DCDC1: variants seen among roughly 807,000 people sequenced by gnomAD.
The protein encoded by DCDC1 is doublecortin domain-containing protein 1.
In DCDC1, 200 loss-of-function variants were observed where a neutral mutation model predicts 178.3. The ratio of observed to expected loss-of-function variants is 1.12; its 90% CI spans 1.00 to 1.26. DCDC1 has a LOEUF of 1.26. DCDC1 is among the 50% of genes most tolerant of loss of function. The probability of loss-of-function intolerance (pLI) is 0.00; values close to 1 mark genes in which losing one functional copy is unlikely to be tolerated. For synonymous variants in DCDC1, 690 were observed against 604.8 expected (o/e 1.14, Z -2.07); for missense variants, 1,983 against 1,749.2 (o/e 1.13, Z -2.38).
chr11:31,126,404 T>C (rs1426174597), intron 11 of DCDC1, among the ~76,000 whole-genome samples: 1 of 152,168 alleles, frequency 6.6e-6, no homozygotes, highest in Non-Finnish European at 1.5e-5. Flanking sequence ...CTATGAGAAA[T>C]AAATTATCAT....
chr11:31,115,109 A>T (rs1252358235), intron 11 of DCDC1, among the ~76,000 whole-genome samples: 1 of 152,198 alleles, frequency 6.6e-6, no homozygotes, highest in Non-Finnish European at 1.5e-5. Context: ...AAAAATGTCA[A>T]CGAAGTACTA....
In DCDC1 at chr11:31,290,672, G is replaced by C. The variant is rs1216045657; in HGVS notation, c.935C>G (p.Thr312Arg). The C allele has an allele frequency of 6.8e-6, 11 of 1,612,046 alleles. No individual in the cohort carries two copies. Among genetic ancestry groups the C allele is most frequent in the Non-Finnish European group, 9.3e-6 (11 of 1,179,188 alleles). ...CTTTTTCATTGTTTCTTTTCCCACT[G>C]TAATCTCATGCCCATCCTGCCCCAT... The part of the protein sequence containing the change: ...NGMGQDGHEI[T>R]VGKETMKKVL... Residue 312 changes from threonine (T) to arginine (R), a missense_variant, in exon 7 of 39, where the codon ACA becomes AGA. Thr to Arg is a moderately conservative substitution (Grantham distance 71). Transcript: ENST00000684477.
intron 2 of DCDC1, among the ~76,000 whole-genome samples, chr11:31,331,839 C>CTT (rs373120029): frequency 4.0e-5 from 6 of 151,676 alleles, no homozygotes; most frequent in Non-Finnish European, 7.4e-5. Context: ...CTAAAATTCT[C>CTT]TTTTTTTTGT....
chr11:30,903,681 A>C lies in DCDC1; in HGVS notation c.4311T>G (p.Leu1437=), dbSNP rs759911756. ...CAAGTTGTTCCGTGCATTCTGTAAG[A>C]AGCTAGATAACACAGGCAGTAAGGA... ...KLIVAGTFPM[L]LTECTEQLGL... The change falls in exon 32 of 39, where the codon CTT becomes CTG. Residue 1437 remains leucine (L), a splice_region_variant and synonymous_variant. Transcript: ENST00000684477. The C allele has an allele frequency of 6.3e-7, 1 of 1,596,018 alleles. No homozygotes were observed. Among genetic ancestry groups the C allele is most frequent in the South Asian group, 1.2e-5 (1 of 86,864 alleles).
At chr11:30,981,390 A>C (rs290077) in intron 20 of DCDC1, among the ~76,000 whole-genome samples, 3,500 of 152,258 alleles carry the variant, frequency 0.023, 147 homozygotes, top group African/African-American at 0.081. Flanking sequence ...AAGATTAAAC[A>C]AATTATTATT....
At chr11:30,971,799 C>T (rs572849459) in intron 20 of DCDC1, among the ~76,000 whole-genome samples, 5 of 151,796 alleles carry the variant, frequency 3.3e-5, no homozygotes, top group Admixed American at 6.6e-5. Context: ...TTAGTAGAGA[C>T]GGGGTTTCAC....
At chr11:31,209,259 T>C (rs1591409203) in intron 9 of DCDC1, among the ~76,000 whole-genome samples, 1 of 152,326 alleles carries the variant, frequency 6.6e-6, no homozygotes, top group African/African-American at 2.4e-5. Flanking sequence ...AGAAGTGTCC[T>C]GGACTTAAAT....
At chr11:31,337,142 A>C (rs1950311977) in intron 1 of DCDC1, among the ~76,000 whole-genome samples, 1 of 152,274 alleles carries the variant, frequency 6.6e-6, no homozygotes, top group African/African-American at 2.4e-5. Context: ...TTGCTTTCAA[A>C]AACCTAAAAT....
chr11:30,965,874 A>C (rs1338110804), intron 20 of DCDC1, among the ~76,000 whole-genome samples: 2 of 115,062 alleles, frequency 1.7e-5, no homozygotes, highest in East Asian at 4.6e-4. Flanking sequence ...TTCTTGCGAT[A>C]GTTTACTGAG....
At chr11:30,958,774 A>G (rs1426296322) in intron 20 of DCDC1, among the ~76,000 whole-genome samples, 1 of 152,090 alleles carries the variant, frequency 6.6e-6, no homozygotes, top group Non-Finnish European at 1.5e-5. Context: ...ACTGATTTTC[A>G]CTGTGGTAAC....
At chr11:31,290,009 A>C (rs1947112382) in intron 7 of DCDC1, among the ~76,000 whole-genome samples, 1 of 152,064 alleles carries the variant, frequency 6.6e-6, no homozygotes, top group Admixed American at 6.6e-5. Context: ...TGTGTGTTTC[A>C]AATTCCCATT....
intron 32 of DCDC1, among the ~76,000 whole-genome samples, chr11:30,901,435 C>T (rs1225525826): frequency 6.6e-6 from 1 of 152,066 alleles, no homozygotes. Flanking sequence ...AGATTAGAAT[C>T]CAGGCCATCT....
At chr11:31,057,296 A>G (rs1220686152) in intron 20 of DCDC1, among the ~76,000 whole-genome samples, 5 of 150,550 alleles carry the variant, frequency 3.3e-5, no homozygotes, top group African/African-American at 9.9e-5. Flanking sequence ...AGGGAAGGAA[A>G]GAAAGAAAGA....
chr11:31,227,511 GA>G (rs1275802317), intron 9 of DCDC1, among the ~76,000 whole-genome samples: 23 of 151,598 alleles, frequency 1.5e-4, no homozygotes, highest in South Asian at 4.2e-4. Flanking sequence ...CACTTGGGGG[GA>G]AAAAAATACT....
At chr11:31,045,174 C>G (rs1027902623) in intron 20 of DCDC1, among the ~76,000 whole-genome samples, 6 of 151,968 alleles carry the variant, frequency 3.9e-5, no homozygotes, top group Non-Finnish European at 8.8e-5. Flanking sequence ...AAGGAGCATT[C>G]CAATCTCACC....
At chr11:30,911,701 C>T (rs746910437) in intron 27 of DCDC1, among the ~76,000 whole-genome samples, 2 of 152,218 alleles carry the variant, frequency 1.3e-5, no homozygotes, top group Admixed American at 6.5e-5. Flanking sequence ...TTTGTTCCAG[C>T]GAGGTGCCCA....
intron 9 of DCDC1, among the ~76,000 whole-genome samples, chr11:31,191,912 C>A (rs1001292158): frequency 6.6e-6 from 1 of 151,952 alleles, no homozygotes; most frequent in Non-Finnish European, 1.5e-5. Flanking sequence ...GTTTATATTA[C>A]GAATAAGTAG....
chr11:31,268,469 T>C (rs1213648573), intron 7 of DCDC1, among the ~76,000 whole-genome samples: 1 of 152,176 alleles, frequency 6.6e-6, no homozygotes, highest in Non-Finnish European at 1.5e-5. Context: ...TGAGAACATG[T>C]GGTATTTGGT....
intron 20 of DCDC1, among the ~76,000 whole-genome samples, chr11:31,003,926 G>T (rs545090109): frequency 6.6e-6 from 1 of 152,116 alleles, no homozygotes; most frequent in South Asian, 2.1e-4. Context: ...CTACAAATTA[G>T]GTATGTTGAC....
Sources: allele counts gnomAD v4.1 joint callset (sites outside exome capture counted in the v4.1 genomes callset), GRCh38; gene constraint gnomAD v4.1.1; transcripts MANE v1.5; gene names NCBI Gene and HGNC (gene_info 2026-07-23, HGNC 2026-07-21).